CBX3: variants seen among roughly 807,000 people sequenced by gnomAD.
CBX3 encodes the protein chromobox 3.
CBX3 carries 5 observed loss-of-function variants against 22.6 expected under a neutral mutation model. The ratio of observed to expected loss-of-function variants is 0.22; its 90% CI spans 0.12 to 0.47. The LOEUF (loss-of-function observed/expected upper bound fraction) is 0.47, where lower values mean the gene tolerates loss of function less well. Ranked by LOEUF, CBX3 falls within the 20% of genes least tolerant of loss-of-function variation. CBX3 has a pLI of 0.99. For synonymous variants in CBX3, 50 were observed against 66.6 expected, an observed-to-expected ratio of 0.75 and a Z score of 1.21; for missense variants, 83 against 208.1, an observed-to-expected ratio of 0.40 and a Z score of 3.70.
intron 3 of CBX3, among the ~76,000 whole-genome samples, chr7:26,206,926 A>G (rs1202839821): frequency 6.6e-6 from 1 of 152,214 alleles, no homozygotes; most frequent in Non-Finnish European, 1.5e-5. Context: ...TAGGTTTATT[A>G]TATCCTTATA....
At chr7:26,205,510 AGT>A (rs1343105695) in intron 2 of CBX3, among the ~76,000 whole-genome samples, 1 of 152,230 alleles carries the variant, frequency 6.6e-6, no homozygotes, top group Non-Finnish European at 1.5e-5. Context: ...TGAACCTCCT[AGT>A]GGTCTCTATA....
At chr7:26,201,644 GCCGGGCGCGCGCCCGCTGCCCCGC>G (rs1428802449), upstream of CBX3, 3 of 136,864 alleles carry the variant, frequency 2.2e-5, no homozygotes, top group Non-Finnish European at 4.7e-5. Context: ...CCCTCCCCCC[GCCGGGCGCGCGCCCGCTGCCCCGC>G]CCTTCGTGGC....
chr7:26,211,881 A>C, intron 5 of CBX3, 125 bp downstream of exon 5: 1 of 865,620 alleles, frequency 1.2e-6, no homozygotes, highest in Admixed American at 3.2e-5. Flanking sequence ...GGTTACTTTT[A>C]CTAGTAGTGT....
intron 2 of CBX3, among the ~76,000 whole-genome samples, chr7:26,204,039 A>T (rs1784615667): frequency 6.6e-6 from 1 of 152,214 alleles, no homozygotes; most frequent in African/African-American, 2.4e-5. Context: ...CATTTTAAAA[A>T]TTCATTAGTG....
intron 3 of CBX3, among the ~76,000 whole-genome samples, chr7:26,207,290 T>A (rs886576606): frequency 2.0e-5 from 3 of 152,238 alleles, no homozygotes; most frequent in Admixed American, 1.3e-4. Flanking sequence ...GAATTATGAA[T>A]TGAATGGGAG....
intron 3 of CBX3, among the ~76,000 whole-genome samples, chr7:26,207,159 G>C (rs1236994365): frequency 1.3e-5 from 2 of 152,202 alleles, no homozygotes; most frequent in African/African-American, 4.8e-5. Flanking sequence ...AAAATGGATA[G>C]GTGGAGATCA....
chr7:26,212,638 T>G lies in CBX3; in HGVS notation c.*430T>G, dbSNP rs935964334. On this transcript the variant is annotated 3_prime_UTR_variant, in exon 6 of 6. Transcript: ENST00000396386. The stretch of plus-strand genomic sequence containing the variant: ...TATCCATAAAATGCATATGTAAATT[T>G]TTTTTTGTTTTTAAGCATTCACCCA... 2.0e-5 allele frequency: 3 copies of G among 152,234 alleles called. No individual in the cohort carries two copies. The highest frequency in any genetic ancestry group is 4.4e-5 in the Non-Finnish European group (3 of 68,046). 9.4% of individuals were successfully genotyped at this position (152,234 alleles called of 1,614,324 possible).
chr7:26,212,021 G>A, intron 5 of CBX3, 61 bp from the exon 6 acceptor site: 1 of 1,395,424 alleles, frequency 7.2e-7, no homozygotes, highest in South Asian at 1.7e-5. Context: ...TTAAATGAAT[G>A]GCTGTCGGTT....
rs1784819432 is a variant in CBX3 at position 26,212,304 on chromosome 7, A to T, written c.*96A>T. On this transcript the variant is annotated 3_prime_UTR_variant, in exon 6 of 6. Coordinates refer to ENST00000396386, the MANE Select transcript of CBX3 (RefSeq NM_016587.4). ...AGTGTGACAAAATAACTACATCCTAATGAAAATCAAGTTTGATATGTTTGT... is the reference window on the plus strand; with the variant it reads ...AGTGTGACAAAATAACTACATCCTATTGAAAATCAAGTTTGATATGTTTGT... The T allele has an allele frequency of 1.3e-6, 1 of 772,364 alleles. No individual in the cohort carries two copies. The highest frequency in any genetic ancestry group is 6.7e-5 in the South Asian group (1 of 14,914). 47.8% of individuals were successfully genotyped at this position (772,364 alleles called of 1,614,324 possible). A position where few individuals can be genotyped will look rare whatever the true frequency, so the allele number is the denominator to read the frequency against.
intron 5 of CBX3, 28 bp downstream of exon 5, chr7:26,211,784 A>G (rs1784806939): frequency 6.8e-7 from 1 of 1,479,868 alleles, no homozygotes; most frequent in Admixed American, 2.1e-5. Flanking sequence ...GTTACATTTG[A>G]AAGTAAGAGT....
Position 26,201,772 on chromosome 7 carries a change from C to G in CBX3, c.-83C>G, listed in dbSNP as rs911262081. 3.9e-6 allele frequency: 1 copy of G among 258,812 alleles called. No homozygotes were observed. Among genetic ancestry groups the G allele is most frequent in the Non-Finnish European group, 7.6e-6 (1 of 131,508 alleles). 16.0% of individuals were successfully genotyped at this position (258,812 alleles called of 1,614,324 possible). On this transcript the variant is annotated 5_prime_UTR_variant, in exon 1 of 6. Coordinates refer to ENST00000396386, the MANE Select transcript of CBX3 (RefSeq NM_016587.4). ...TCGGATGTGGCTTGAGCTGTAGGCG[C>G]GGAGGGCCGGAGACGCTGCAGACCC...
At position 26,206,133 on chromosome 7, in the gene CBX3, G is replaced by GT. The variant is rs775017521; in HGVS notation, c.25-228dup. The GT allele has an allele frequency of 1.9e-5, 8 of 411,764 alleles. No individual in the cohort carries two copies. In the East Asian group the frequency reaches 2.7e-4, roughly 14 times the overall value. The allele number at this position is 411,764 out of a possible 1,614,324, so 25.5% of individuals were successfully genotyped here. A position where few individuals can be genotyped will look rare whatever the true frequency, so the allele number is the denominator to read the frequency against. On this transcript the variant is annotated intron_variant, in intron 2 of 5. Transcript: ENST00000396386. ...AAAAAAATAACTGTTTCCAGATAGT[G>GT]TTTTTTTATTGTATTATTTTGGTGG...
chr7:26,206,629 C>G (rs1784683167), intron 3 of CBX3, 119 bp downstream of exon 3: 1 of 934,282 alleles, frequency 1.1e-6, no homozygotes, highest in Non-Finnish European at 1.7e-6. Context: ...TGTAAAGACA[C>G]TTTGAATTTT....
At chr7:26,209,419 T>A (rs1312758732) in intron 4 of CBX3, among the ~76,000 whole-genome samples, 3 of 152,172 alleles carry the variant, frequency 2.0e-5, no homozygotes, top group Admixed American at 6.5e-5. Flanking sequence ...CAATTACCTG[T>A]GATCCAAGGC....
intron 1 of CBX3, 107 bp downstream of exon 1, chr7:26,201,933 GGA>G (rs1784480903): frequency 6.6e-6 from 1 of 151,494 alleles, no homozygotes. Context: ...CCTTCTCGCC[GGA>G]CCCCGCGCCG....
In CBX3 at chr7:26,211,692, C is replaced by T; in HGVS notation, c.361C>T (p.Leu121Phe). The T allele has an allele frequency of 1.9e-6, 3 of 1,610,570 alleles. No homozygotes were observed. Among genetic ancestry groups the T allele is most frequent in the Non-Finnish European group, 2.5e-6 (3 of 1,178,564 alleles). Residue 121 changes from leucine (L) to phenylalanine (F), a missense_variant, in exon 5 of 6, where the codon CTT (leucine) becomes TTT (phenylalanine). Leu to Phe is a conservative substitution (Grantham distance 22). This residue lies in a region of CBX3 where 59 missense variants were observed against 155.0 expected (regional missense o/e 0.38). Coordinates refer to ENST00000396386, the MANE Select transcript of CBX3 (RefSeq NM_016587.4). ...ADKPRGFARG[L>F]DPERIIGATD... ...CAAACCAAGAGGATTTGCCAGAGGT[C>T]TTGATCCTGAAAGAATAATTGGTGC...
Position 26,206,351 on chromosome 7 carries a change from C to T in CBX3, c.25-17C>T, listed in dbSNP as rs1248024901. The T allele has an allele frequency of 6.5e-7, 1 of 1,542,510 alleles. No homozygotes were observed. Among genetic ancestry groups the T allele is most frequent in the South Asian group, 1.2e-5 (1 of 86,548 alleles). On this transcript the variant is annotated splice_polypyrimidine_tract_variant and intron_variant, in intron 2 of 5. Transcript: ENST00000396386. ...TCAAGAGGAATATTTCTTAATTTCT[C>T]TTTTGTTTTATTTTAGCAAAAAATG...
Position 26,211,967 on chromosome 7 carries a change from C to G in CBX3, c.426-115C>G, listed in dbSNP as rs571680493. On this transcript the variant is annotated intron_variant, in intron 5 of 5. Coordinates refer to ENST00000396386, the MANE Select transcript of CBX3 (RefSeq NM_016587.4). ...TAGAACATAGCAACAAGTAACATAACTCTCCTGGAGCACTTCAATACCTTT... is the reference window on the plus strand; with the variant it reads ...TAGAACATAGCAACAAGTAACATAAGTCTCCTGGAGCACTTCAATACCTTT... The G allele has an allele frequency of 1.7e-4, 169 of 988,920 alleles. 1 individual carries two copies. The South Asian group carries it at 3.5e-3, about 20-fold the overall frequency. The allele number at this position is 988,920 out of a possible 1,614,324, so 61.3% of individuals were successfully genotyped here. A position where few individuals can be genotyped will look rare whatever the true frequency, so the allele number is the denominator to read the frequency against.
rs1562742391 is a variant in CBX3, at chr7:26,202,944, T to TA, written c.-28-26dup. The TA allele has an allele frequency of 3.4e-6, 5 of 1,454,876 alleles. No homozygotes were observed. In the South Asian group the frequency reaches 4.6e-5, roughly 13 times the overall value. The allele number at this position is 1,454,876 out of a possible 1,614,324, so 90.1% of individuals were successfully genotyped here. A position where few individuals can be genotyped will look rare whatever the true frequency, so the allele number is the denominator to read the frequency against. ...TTACCTTTTTTGTGTCATGCAAACT[T>TA]ACCTTAACTGTCATGCATTTTTCTA... On this transcript the variant is annotated intron_variant, in intron 1 of 5. Coordinates refer to ENST00000396386, the MANE Select transcript of CBX3 (RefSeq NM_016587.4).
Sources: allele counts gnomAD v4.1 joint callset (sites outside exome capture counted in the v4.1 genomes callset), GRCh38; gene constraint gnomAD v4.1.1; regional missense constraint gnomAD v4.1.1; transcripts MANE v1.5; gene names NCBI Gene and HGNC (gene_info 2026-07-23, HGNC 2026-07-21).